The following PLRG1 variants were observed in gnomAD, a reference collection of about 807,000 sequenced individuals.
The protein encoded by PLRG1 is pleiotropic regulator 1.
Under a neutral mutation model 74.9 loss-of-function variants are expected in PLRG1, and 28 were observed. The ratio of observed to expected loss-of-function variants is 0.37; its 90% CI spans 0.28 to 0.51. The LOEUF is 0.51. Ranked by LOEUF, PLRG1 falls within the 20% of genes least tolerant of loss-of-function variation. PLRG1 has a pLI of 0.91. For synonymous variants in PLRG1, 197 were observed against 212.4 expected, an observed-to-expected ratio of 0.93 and a Z score of 0.63; for missense variants, 445 against 631.9, an observed-to-expected ratio of 0.70 and a Z score of 3.17.
intron 11 of PLRG1, among the ~76,000 whole-genome samples, 159 bp downstream of exon 11, chr4:154,539,792 T>G (rs1729522664): frequency 6.6e-6 from 1 of 152,098 alleles, no homozygotes; most frequent in Admixed American, 6.6e-5. Flanking sequence ...GGAATGAAAT[T>G]TCATTTGAAT....
Position 154,547,031 on chromosome 4 carries a change from T to C in PLRG1, c.293A>G (p.His98Arg). ...CTAACCAGGTCCTGGTGGGTATGGA[T>C]GTGTACCTGCCACAAAGTATTCAAC... is the stretch of plus-strand genomic sequence containing the variant. Reference protein sequence around the residue: ...QEVEYFVAGTHPYPPGPGVAL... With the variant: ...QEVEYFVAGTRPYPPGPGVAL... Residue 98 changes from histidine (H) to arginine (R), a missense_variant, in exon 4 of 15, where the codon CAT becomes CGT. Physicochemically the swap from His to Arg is conservative, Grantham distance 29. Transcript: ENST00000499023. The C allele has an allele frequency of 6.2e-7, 1 of 1,612,404 alleles. No individual in the cohort carries two copies. The highest frequency in any genetic ancestry group is 8.5e-7 in the Non-Finnish European group (1 of 1,178,512).
intron 7 of PLRG1, 45 bp downstream of exon 7, chr4:154,544,400 A>T: frequency 9.3e-7 from 1 of 1,077,854 alleles, no homozygotes; most frequent in South Asian, 1.3e-5. Flanking sequence ...GTCAACTACA[A>T]AGCAATCATG....
At chr4:154,541,124 A>G (rs1240444934) in intron 8 of PLRG1, among the ~76,000 whole-genome samples, 190 bp from the exon 9 acceptor site, 3 of 152,194 alleles carry the variant, frequency 2.0e-5, no homozygotes, top group Non-Finnish European at 4.4e-5. Context: ...CTCAAACTGG[A>G]AAAATATTTG....
chr4:154,546,116 T>C lies in PLRG1; in HGVS notation c.404+7A>G. ...TTTAAGATCTTTGTAATTATAATAT[T>C]TCATACTTGGTCTGCAAAGGTAATG... On this transcript the variant is annotated splice_region_variant and intron_variant, in intron 5 of 14. Transcript: ENST00000499023. 2 of 1,497,222 alleles carry C rather than the reference T, an allele frequency of 1.3e-6. No individual in the cohort carries two copies. The highest frequency in any genetic ancestry group is 1.9e-6 in the Non-Finnish European group (2 of 1,080,396). The allele number at this position is 1,497,222 out of a possible 1,614,324, so 92.7% of individuals were successfully genotyped here.
intron 12 of PLRG1, 136 bp from the exon 13 acceptor site, chr4:154,538,244 A>C (rs1729490878): frequency 2.2e-6 from 1 of 445,148 alleles, no homozygotes; most frequent in African/African-American, 2.0e-5. Context: ...AGTCGTATCA[A>C]AATGTAAAAA....
intron 8 of PLRG1, 184 bp downstream of exon 8, chr4:154,542,003 T>TA: frequency 1.8e-6 from 1 of 557,640 alleles, no homozygotes; most frequent in Middle Eastern, 4.9e-4. Flanking sequence ...GTGGTTTAAA[T>TA]AGCACTTTTC....
At chr4:154,547,590 G>A (rs1051678807) in intron 3 of PLRG1, 121 bp downstream of exon 3, 7 of 803,328 alleles carry the variant, frequency 8.7e-6, no homozygotes, top group African/African-American at 1.7e-5. Flanking sequence ...ATACAGGTAC[G>A]GCCATTAAAT....
At chr4:154,546,071 T>A in intron 5 of PLRG1, 52 bp downstream of exon 5, 1 of 1,217,810 alleles carries the variant, frequency 8.2e-7, no homozygotes, top group Non-Finnish European at 1.2e-6. Context: ...AAAGAAAAAA[T>A]GTGAACAGTG....
intron 12 of PLRG1, 115 bp from the exon 13 acceptor site, chr4:154,538,223 T>C (rs750142167): frequency 6.4e-6 from 3 of 472,148 alleles, no homozygotes; most frequent in Non-Finnish European, 1.1e-5. Flanking sequence ...GATTTATATA[T>C]TCAGCAAAAT....
chr4:154,546,074 G>A (rs769578997), intron 5 of PLRG1, 49 bp downstream of exon 5: 1 of 1,224,730 alleles, frequency 8.2e-7, no homozygotes, highest in African/African-American at 1.5e-5. Context: ...GAAAAAATGT[G>A]AACAGTGAAA....
intron 1 of PLRG1, chr4:154,549,830 C>T (rs1263374769): frequency 2.2e-6 from 1 of 454,176 alleles, no homozygotes; most frequent in African/African-American, 2.0e-5. Flanking sequence ...GTAAGATGGA[C>T]AAGACCAGCT....
At position 154,544,426 on chromosome 4, in the gene PLRG1, T is replaced by C; in HGVS notation, c.594+19A>G. On this transcript the variant is annotated intron_variant, in intron 7 of 14. Transcript: ENST00000499023. ...AGCAATCATGGTTCACATAATAAAA[T>C]AAATGCAGAGTCACTCACCCTGTAG... is the stretch of plus-strand genomic sequence containing the variant. 1 of 1,312,026 alleles carries C rather than the reference T, an allele frequency of 7.6e-7. No homozygotes were observed. Among genetic ancestry groups the C allele is most frequent in the Non-Finnish European group, 1.1e-6 (1 of 905,014 alleles). The allele number at this position is 1,312,026 out of a possible 1,614,324, so 81.3% of individuals were successfully genotyped here.
At chr4:154,545,783 T>A in intron 6 of PLRG1, 53 bp downstream of exon 6, 2 of 1,040,688 alleles carry the variant, frequency 1.9e-6, no homozygotes, top group African/African-American at 1.6e-5. Flanking sequence ...GAGGGAAATA[T>A]GGCAACATGT....
intron 10 of PLRG1, chr4:154,540,348 C>T: frequency 1.7e-6 from 1 of 581,054 alleles, no homozygotes; most frequent in Non-Finnish European, 3.0e-6. Context: ...ATAGTTGTTA[C>T]AGAATGGAAC....
rs1223972674 is a variant in PLRG1, at chr4:154,550,356, T to C, written c.-48A>G. 3.8e-6 allele frequency: 6 copies of C among 1,587,602 alleles called. No individual in the cohort carries two copies. The highest frequency in any genetic ancestry group is 1.7e-4 in the Middle Eastern group (1 of 6,006). ...CCGGCAGGGAAGAAACTCTAATCAC[T>C]AACGCAGTACCCGCCGCCACAGCTG... On this transcript the variant is annotated 5_prime_UTR_variant, in exon 1 of 15. Transcript: ENST00000499023.
chr4:154,540,740 T>C, intron 9 of PLRG1, 45 bp from the exon 10 acceptor site: 7 of 1,607,992 alleles, frequency 4.4e-6, no homozygotes, highest in Non-Finnish European at 6.0e-6. Flanking sequence ...ATTAGAAAGA[T>C]AAATAGTAGT....
Position 154,535,140 on chromosome 4 carries a change from G to C in PLRG1, c.*1545C>G. On this transcript the variant is annotated 3_prime_UTR_variant, in exon 15 of 15. Coordinates refer to ENST00000499023, the MANE Select transcript of PLRG1 (RefSeq NM_002669.4). ...CTAACAAAGCCACTGTTAGTAATGTGGTGTTACTTATATTTTAGAGCATCA... is the reference window on the plus strand; with the variant it reads ...CTAACAAAGCCACTGTTAGTAATGTCGTGTTACTTATATTTTAGAGCATCA... The C allele has an allele frequency of 6.6e-6, 1 of 151,974 alleles. No individual in the cohort carries two copies. The highest frequency in any genetic ancestry group is 3.4e-3 in the Middle Eastern group (1 of 294). The allele number at this position is 151,974 out of a possible 1,614,324, so 9.4% of individuals were successfully genotyped here.
At chr4:154,547,443 C>T (rs1729678489) in intron 3 of PLRG1, 1 of 512,656 alleles carries the variant, frequency 2.0e-6, no homozygotes, top group Non-Finnish European at 3.4e-6. Context: ...AGAATATTCT[C>T]CAATTTTTTC....
chr4:154,546,064 G>GA lies in PLRG1; in HGVS notation c.404+58dup, dbSNP rs548109017. 84 of 1,193,386 alleles carry GA rather than the reference G, an allele frequency of 7.0e-5. No individual in the cohort carries two copies. The African/African-American group carries it at 9.9e-4, about 14-fold the overall frequency. The allele number at this position is 1,193,386 out of a possible 1,614,324, so 73.9% of individuals were successfully genotyped here. On this transcript the variant is annotated intron_variant, in intron 5 of 14. Coordinates refer to ENST00000499023, the MANE Select transcript of PLRG1 (RefSeq NM_002669.4). ...AATAGTTATAAAGAAATTTTAAAAA[G>GA]AAAAAATGTGAACAGTGAAATATGC...
Sources: allele counts gnomAD v4.1 joint callset (sites outside exome capture counted in the v4.1 genomes callset), GRCh38; gene constraint gnomAD v4.1.1; transcripts MANE v1.5; gene names NCBI Gene and HGNC (gene_info 2026-07-23, HGNC 2026-07-21).